Variants in DOCK2 observed in about 807,000 individuals in gnomAD.
DOCK2 encodes dedicator of cytokinesis 2, also known as dedicator of cytokinesis protein 2.
In DOCK2, 87 loss-of-function variants were observed where a neutral mutation model predicts 248.9. The ratio of observed to expected loss-of-function variants is 0.35; its 90% CI spans 0.29 to 0.42. The LOEUF (loss-of-function observed/expected upper bound fraction) is 0.42. Among genes scored for constraint, DOCK2 ranks in the 10% least tolerant of loss-of-function variants. The pLI, the probability that DOCK2 is intolerant of heterozygous loss-of-function variation, is 1.00. For missense variants in DOCK2, 1,747 were observed against 2,300.2 expected (o/e 0.76, Z 4.92); for synonymous variants, 805 against 821.6 (o/e 0.98, Z 0.35).
At chr5:169,893,238 G>GGCTGCT (rs148410878) in intron 27 of DOCK2, among the ~76,000 whole-genome samples, 9 of 151,872 alleles carry the variant, frequency 5.9e-5, no homozygotes, top group African/African-American at 1.9e-4. Flanking sequence ...CAGAGGCATT[G>GGCTGCT]GCTGCTGCTG....
intron 44 of DOCK2, 130 bp downstream of exon 44, chr5:170,057,796 T>C: frequency 1.3e-6 from 1 of 775,634 alleles, no homozygotes; most frequent in Non-Finnish European, 2.0e-6. Context: ...AGTCCCAGAA[T>C]TCCCATGCAG....
At chr5:169,781,347 G>C (rs1380677067) in intron 25 of DOCK2, among the ~76,000 whole-genome samples, 1 of 152,186 alleles carries the variant, frequency 6.6e-6, no homozygotes, top group Non-Finnish European at 1.5e-5. Context: ...TGTGCTAAGA[G>C]CTGGAAAATT....
chr5:169,753,455 C>T (rs934983786), intron 23 of DOCK2, among the ~76,000 whole-genome samples: 6 of 149,392 alleles, frequency 4.0e-5, no homozygotes, highest in African/African-American at 1.2e-4. Context: ...TGGTATAAAG[C>T]GGAGATAAAG....
intron 26 of DOCK2, among the ~76,000 whole-genome samples, chr5:169,804,147 C>T (rs1044190712): frequency 5.3e-5 from 8 of 152,210 alleles, no homozygotes; most frequent in Admixed American, 1.3e-4. Context: ...GACTGTAATT[C>T]GAAAACTCTG....
chr5:169,841,369 G>A (rs1050167372), intron 27 of DOCK2: 74 of 987,044 alleles, frequency 7.5e-5, no homozygotes, highest in Admixed American at 3.6e-4. Flanking sequence ...TTTCTGCCCC[G>A]TCATCTGATT....
At chr5:169,790,973 C>T (rs1285839272) in intron 25 of DOCK2, among the ~76,000 whole-genome samples, 1 of 152,186 alleles carries the variant, frequency 6.6e-6, no homozygotes, top group Non-Finnish European at 1.5e-5. Context: ...AACACACATG[C>T]AGTTCTCCTT....
At chr5:170,005,602 C>T (rs73312335) in intron 30 of DOCK2, among the ~76,000 whole-genome samples, 109 of 152,120 alleles carry the variant, frequency 7.2e-4, no homozygotes, top group African/African-American at 2.2e-3. Context: ...CTGACTCTTA[C>T]GGGTAGAGGG....
intron 27 of DOCK2, among the ~76,000 whole-genome samples, chr5:169,878,009 C>T (rs1772426649): frequency 1.3e-5 from 2 of 152,160 alleles, no homozygotes; most frequent in Non-Finnish European, 2.9e-5. Flanking sequence ...CATTTTACAA[C>T]TGAAACCAAG....
chr5:169,945,898 G>A (rs1429593380), intron 27 of DOCK2, among the ~76,000 whole-genome samples: 1 of 152,114 alleles, frequency 6.6e-6, no homozygotes, highest in Admixed American at 6.5e-5. Context: ...ATATTGATGT[G>A]GCTCTTTTCC....
At chr5:169,772,953 A>G (rs1765174354) in intron 25 of DOCK2, 1 of 152,214 alleles carries the variant, frequency 6.6e-6, no homozygotes, top group African/African-American at 2.4e-5. Flanking sequence ...TTTCTTCAAG[A>G]AAGTACCATC....
intron 27 of DOCK2, among the ~76,000 whole-genome samples, chr5:169,885,769 G>T (rs1269074442): frequency 6.6e-6 from 1 of 152,140 alleles, no homozygotes; most frequent in Non-Finnish European, 1.5e-5. Context: ...TAATATTTTT[G>T]TCCCCATTTA....
intron 30 of DOCK2, among the ~76,000 whole-genome samples, chr5:170,004,641 A>G (rs1754954481): frequency 1.3e-5 from 2 of 149,126 alleles, no homozygotes; most frequent in Non-Finnish European, 3.0e-5. Flanking sequence ...GGCATTATTC[A>G]CAATAGCAAA....
At chr5:169,852,474 G>T (rs1246251297) in intron 27 of DOCK2, among the ~76,000 whole-genome samples, 4 of 152,194 alleles carry the variant, frequency 2.6e-5, no homozygotes, top group Non-Finnish European at 1.5e-5. Flanking sequence ...CAGGCTGGGA[G>T]CCAGTGTCCT....
rs1157270070 is a variant in DOCK2, at chr5:169,714,401, C to G, written c.1885C>G (p.Leu629Val). ...GCTGAAGTGGCGTATGAAGCCTCAA[C>G]TGCTACAGGAGAATTTAGAAAAGTT... ...GLLKWRMKPQ[L>V]LQENLEKLKI... is the part of the protein sequence containing the mutation. Residue 629 changes from leucine to valine, a missense_variant, in exon 19 of 52, where the codon CTG becomes GTG. Coordinates refer to ENST00000520908, the MANE Select transcript of DOCK2 (RefSeq NM_004946.3). 10 of 1,613,956 alleles carry G rather than the reference C, an allele frequency of 6.2e-6. No individual in the cohort carries two copies. Among genetic ancestry groups the G allele is most frequent in the Non-Finnish European group, 8.5e-6 (10 of 1,179,976 alleles).
intron 23 of DOCK2, among the ~76,000 whole-genome samples, chr5:169,753,112 G>A (rs1368106376): frequency 6.6e-6 from 1 of 152,156 alleles, no homozygotes; most frequent in African/African-American, 2.4e-5. Flanking sequence ...ATGTTTCAGT[G>A]TTTATTAAGT....
chr5:169,802,856 C>G (rs1181223455), intron 25 of DOCK2, among the ~76,000 whole-genome samples: 1 of 152,074 alleles, frequency 6.6e-6, no homozygotes, highest in Non-Finnish European at 1.5e-5. Context: ...CTGGTTGCCT[C>G]TGGGTAGGAA....
intron 27 of DOCK2, among the ~76,000 whole-genome samples, chr5:169,921,256 A>C (rs189336627): frequency 6.6e-6 from 1 of 152,362 alleles, no homozygotes; most frequent in East Asian, 1.9e-4. Flanking sequence ...ATTTTGGATT[A>C]GAATATTCAA....
chr5:170,014,793 A>G (rs1333070360), intron 32 of DOCK2, among the ~76,000 whole-genome samples: 6 of 152,072 alleles, frequency 3.9e-5, no homozygotes, highest in African/African-American at 1.4e-4. Context: ...CACAATGGGT[A>G]TGGGGAGGGA....
At chr5:169,826,253 C>T (rs953477917) in intron 26 of DOCK2, among the ~76,000 whole-genome samples, 1 of 152,108 alleles carries the variant, frequency 6.6e-6, no homozygotes, top group African/African-American at 2.4e-5. Flanking sequence ...AAAGAACAAG[C>T]AACTTTGCCT....
Sources: allele counts gnomAD v4.1 joint callset (sites outside exome capture counted in the v4.1 genomes callset), GRCh38; gene constraint gnomAD v4.1.1; transcripts MANE v1.5; gene names NCBI Gene and HGNC (gene_info 2026-07-23, HGNC 2026-07-21).